Variants in PCCA observed in about 807,000 individuals in gnomAD.
The protein encoded by PCCA is propionyl-CoA carboxylase subunit alpha.
A neutral mutation model predicts 101.3 loss-of-function variants in PCCA; 74 were observed. The observed-to-expected ratio is 0.73, with a 90% CI of 0.61 to 0.89. The LOEUF (loss-of-function observed/expected upper bound fraction) is 0.89, where lower values mean the gene tolerates loss of function less well. Among genes scored for constraint, PCCA ranks in the 40% least tolerant of loss-of-function variants. PCCA has a pLI of 0.00. For missense variants in PCCA, 891 were observed against 907.0 expected (o/e 0.98, Z 0.23); for synonymous variants, 294 against 313.6 (o/e 0.94, Z 0.66).
chr13:100,522,857 T>C (rs546956502), intron 22 of PCCA, among the ~76,000 whole-genome samples: 9 of 152,352 alleles, frequency 5.9e-5, no homozygotes, highest in African/African-American at 2.2e-4. Context: ...TGTGCAGTCA[T>C]CCTTTACATC....
At chr13:100,507,687 C>T (rs550789479) in intron 21 of PCCA, among the ~76,000 whole-genome samples, 9 of 152,252 alleles carry the variant, frequency 5.9e-5, no homozygotes, top group East Asian at 1.9e-4. Context: ...GACAGAGTCT[C>T]GCACTGTGGC....
At chr13:100,133,797 C>T (rs1427264047) in intron 4 of PCCA, among the ~76,000 whole-genome samples, 1 of 152,184 alleles carries the variant, frequency 6.6e-6, no homozygotes, top group Non-Finnish European at 1.5e-5. Context: ...TGGGCACCCT[C>T]TAATCAGCTG....
intron 6 of PCCA, among the ~76,000 whole-genome samples, chr13:100,206,246 C>T (rs191943273): frequency 2.1e-4 from 32 of 152,142 alleles, no homozygotes; most frequent in Non-Finnish European, 4.1e-4. Flanking sequence ...TCCTGTGGAC[C>T]TAGCTATCTT....
intron 4 of PCCA, among the ~76,000 whole-genome samples, chr13:100,114,233 T>G (rs977795475): frequency 5.9e-5 from 9 of 152,038 alleles, no homozygotes; most frequent in Non-Finnish European, 1.0e-4. Flanking sequence ...CTAGAATGTA[T>G]AAGGAGCTCA....
chr13:100,292,302 G>A (rs548938599), intron 12 of PCCA, among the ~76,000 whole-genome samples: 1 of 152,314 alleles, frequency 6.6e-6, no homozygotes, highest in African/African-American at 2.4e-5. Flanking sequence ...AACATCTACT[G>A]TTTTCACTCA....
At chr13:100,482,422 AGGGGCTCCAGTGAAATGCCTGAGT>A (rs1162503917) in intron 21 of PCCA, among the ~76,000 whole-genome samples, 1 of 152,206 alleles carries the variant, frequency 6.6e-6, no homozygotes, top group African/African-American at 2.4e-5. Flanking sequence ...AAGCGAGATC[AGGGGCTCCAGTGAAATGCCTGAGT>A]GTGATGAGAA....
At chr13:100,097,715 C>G (rs1158416856) in intron 1 of PCCA, among the ~76,000 whole-genome samples, 1 of 152,106 alleles carries the variant, frequency 6.6e-6, no homozygotes, top group Admixed American at 6.5e-5. Context: ...GAGACTCCGT[C>G]TCAAAAAACA....
At chr13:100,228,415 A>C (rs2060275426) in intron 7 of PCCA, among the ~76,000 whole-genome samples, 1 of 152,078 alleles carries the variant, frequency 6.6e-6, no homozygotes, top group African/African-American at 2.4e-5. Context: ...ATGTTAACAG[A>C]GTTTATTGTT....
intron 16 of PCCA, among the ~76,000 whole-genome samples, chr13:100,313,978 C>T (rs1432364971): frequency 6.6e-6 from 1 of 152,016 alleles, no homozygotes; most frequent in African/African-American, 2.4e-5. Context: ...CCCAAAGTTA[C>T]ACAGTGTCTT....
chr13:100,347,686 G>A (rs1316410724), intron 18 of PCCA, among the ~76,000 whole-genome samples: 1 of 151,998 alleles, frequency 6.6e-6, no homozygotes, highest in East Asian at 1.9e-4. Flanking sequence ...AAAAATTTAA[G>A]TATCTTATTT....
intron 19 of PCCA, among the ~76,000 whole-genome samples, chr13:100,416,255 C>G (rs2078356227): frequency 6.6e-6 from 1 of 151,376 alleles, no homozygotes; most frequent in South Asian, 2.1e-4. Context: ...GTGGCATGAT[C>G]TCAGCTCACT....
intron 12 of PCCA, among the ~76,000 whole-genome samples, chr13:100,275,895 T>C (rs2063618208): frequency 6.6e-6 from 1 of 152,158 alleles, no homozygotes; most frequent in African/African-American, 2.4e-5. Flanking sequence ...CTGACTTGGG[T>C]ACAATTATCC....
rs535540462 is a variant in PCCA at position 100,125,495 on chromosome 13, G to C, written c.300+13434G>C. Among the ~76,000 whole-genome samples the C allele has an allele frequency of 6.6e-5, 10 of 152,264 alleles. No homozygotes were observed. The South Asian group carries it at 1.7e-3, about 25-fold the overall frequency. On this transcript the variant is annotated intron_variant, in intron 4 of 23. Transcript: ENST00000376285. ...TATATGGTTTTGAATCTGGGAGTCT[G>C]GTAATTAGGTAATCAAAGGGTTTAA...
intron 2 of PCCA, among the ~76,000 whole-genome samples, chr13:100,107,385 T>TG (rs1413081067): frequency 3.3e-5 from 5 of 152,186 alleles, no homozygotes; most frequent in African/African-American, 1.2e-4. Flanking sequence ...ACTGTGTTGT[T>TG]CCTGTCACAC....
intron 7 of PCCA, among the ~76,000 whole-genome samples, chr13:100,213,941 C>T (rs2059370856): frequency 6.6e-6 from 1 of 152,184 alleles, no homozygotes; most frequent in African/African-American, 2.4e-5. Flanking sequence ...TTTTGTTCTT[C>T]TGCATCTGGT....
intron 8 of PCCA, among the ~76,000 whole-genome samples, chr13:100,249,749 C>T (rs529304351): frequency 1.2e-4 from 18 of 152,186 alleles, no homozygotes; most frequent in South Asian, 4.1e-4. Flanking sequence ...CCATTTCTTT[C>T]GTCAGAGTTT....
At chr13:100,473,896 C>T (rs1174978318) in intron 21 of PCCA, among the ~76,000 whole-genome samples, 1 of 152,218 alleles carries the variant, frequency 6.6e-6, no homozygotes, top group Non-Finnish European at 1.5e-5. Flanking sequence ...CTGGGGACAA[C>T]ACATTGTGCT....
chr13:100,408,051 C>T (rs1567082237), intron 19 of PCCA, among the ~76,000 whole-genome samples: 1 of 152,112 alleles, frequency 6.6e-6, no homozygotes, highest in Admixed American at 6.6e-5. Context: ...ACTGTGGAGG[C>T]TGAGGCAGGA....
intron 19 of PCCA, among the ~76,000 whole-genome samples, chr13:100,393,213 A>T (rs2076888432): frequency 6.6e-6 from 1 of 152,186 alleles, no homozygotes; most frequent in African/African-American, 2.4e-5. Context: ...AGCTCACCAT[A>T]ACCAATGACA....
Sources: gnomAD v4.1 joint callset for allele counts (sites outside exome capture counted in the v4.1 genomes callset) on GRCh38, gnomAD v4.1.1 for gene constraint, MANE v1.5 for transcripts, NCBI Gene and HGNC (gene_info 2026-07-23, HGNC 2026-07-21) for gene names.